Variants in CACNA1A observed in about 807,000 individuals in gnomAD.
The protein encoded by CACNA1A is calcium voltage-gated channel subunit alpha1 A.
In CACNA1A, 57 loss-of-function variants were observed where a neutral mutation model predicts 262.4. The ratio of observed to expected loss-of-function variants is 0.22; its 90% CI spans 0.18 to 0.27. The LOEUF (loss-of-function observed/expected upper bound fraction) is 0.27. CACNA1A is among the 10% of genes least tolerant of loss of function. The pLI is 1.00. For missense variants in CACNA1A, 2,526 were observed against 3,562.8 expected, an observed-to-expected ratio of 0.71 and a Z score of 7.41; for synonymous variants, 1,431 against 1,419.3, an observed-to-expected ratio of 1.01 and a Z score of -0.18.
chr19:13,281,315 C>A (rs2057284112), intron 22 of CACNA1A, among the ~76,000 whole-genome samples: 1 of 146,388 alleles, frequency 6.8e-6, no homozygotes, highest in South Asian at 2.2e-4. Flanking sequence ...GACGTTGAGG[C>A]TGCAGTGAGC....
chr19:13,221,238 T>TC (rs2055212975), intron 38 of CACNA1A, among the ~76,000 whole-genome samples: 1 of 35,842 alleles, frequency 2.8e-5, no homozygotes, highest in Non-Finnish European at 4.5e-5. Context: ...TTCTTTCTTT[T>TC]TTTTTTTTTT....
At chr19:13,251,796 GCT>G (rs1191525347) in intron 30 of CACNA1A, among the ~76,000 whole-genome samples, 3 of 151,956 alleles carry the variant, frequency 2.0e-5, no homozygotes, top group Non-Finnish European at 2.9e-5. Flanking sequence ...TTTGAGACTT[GCT>G]CTGTTGCTCA....
At chr19:13,363,333 TC>T (rs2059146448) in intron 5 of CACNA1A, 2 of 150,024 alleles carry the variant, frequency 1.3e-5, no homozygotes, top group South Asian at 2.1e-4. Context: ...TCTCTCTCTC[TC>T]TCTCGCATTT....
At chr19:13,319,655 A>C (rs1218302303) in intron 10 of CACNA1A, among the ~76,000 whole-genome samples, 1 of 152,206 alleles carries the variant, frequency 6.6e-6, no homozygotes, top group Non-Finnish European at 1.5e-5. Flanking sequence ...GTGAAAGCTG[A>C]AATTATTGGT....
At chr19:13,329,736 G>A (rs993211558) in intron 10 of CACNA1A, among the ~76,000 whole-genome samples, 2 of 150,036 alleles carry the variant, frequency 1.3e-5, no homozygotes, top group African/African-American at 2.5e-5. Context: ...GCTTCCCAAA[G>A]TGTTGGGATT....
At chr19:13,251,599 A>G (rs1255022783) in intron 30 of CACNA1A, among the ~76,000 whole-genome samples, 1 of 152,240 alleles carries the variant, frequency 6.6e-6, no homozygotes, top group Non-Finnish European at 1.5e-5. Context: ...AGGTATCTGC[A>G]GCTCTTATAA....
chr19:13,280,450 C>G (rs1167363721), intron 22 of CACNA1A, among the ~76,000 whole-genome samples: 2 of 151,574 alleles, frequency 1.3e-5, no homozygotes, highest in East Asian at 2.0e-4. Flanking sequence ...ACCTTGGCCT[C>G]TCGAAGTGCT....
At chr19:13,218,894 T>C (rs1401848531) in intron 38 of CACNA1A, among the ~76,000 whole-genome samples, 1 of 151,790 alleles carries the variant, frequency 6.6e-6, no homozygotes, top group Non-Finnish European at 1.5e-5. Flanking sequence ...TCTGGCACCA[T>C]GCCTAATTTT....
Position 13,207,872 on chromosome 19 carries a change from T to G in CACNA1A, c.6962A>C (p.Gln2321Pro), listed in dbSNP as rs1336072997. 8.4e-7 allele frequency: 1 copy of G among 1,184,342 alleles called. No homozygotes were observed. Among genetic ancestry groups the G allele is most frequent in the Admixed American group, 2.7e-5 (1 of 37,252 alleles). The allele number at this position is 1,184,342 out of a possible 1,614,324, so 73.4% of individuals were successfully genotyped here. ...PPQQQQQQQQ[Q>P]QQQQAVARPG... ...CCTGGCCACCGCCTGCTGCTGCTGCTGCTGCTGCTGCTGCTGCTGCTGCTG... is the reference window on the plus strand; with the variant it reads ...CCTGGCCACCGCCTGCTGCTGCTGCGGCTGCTGCTGCTGCTGCTGCTGCTG... Residue 2321 changes from glutamine to proline, a missense_variant, in exon 47 of 47, where the codon CAG becomes CCG. Transcript: ENST00000360228. This position sits in a 1 kb window ranked among gnomAD's most constrained non-coding sequence, Gnocchi z 5.7.
chr19:13,210,735 G>C, intron 43 of CACNA1A, 83 bp from the exon 44 acceptor site: 10 of 1,339,680 alleles, frequency 7.5e-6, no homozygotes, highest in African/African-American at 1.5e-5. Context: ...AGAGTGAGGA[G>C]GTGGTGCATG....
intron 4 of CACNA1A, chr19:13,370,693 G>A (rs2059307359): frequency 6.7e-6 from 1 of 150,246 alleles, no homozygotes; most frequent in Non-Finnish European, 1.5e-5. Context: ...CAAAGTGCTG[G>A]GATTCCAGGT....
Position 13,281,915 on chromosome 19 carries a change from G to A in CACNA1A, c.3822+1352C>T, listed in dbSNP as rs146922166. 1.9e-3 allele frequency among the ~76,000 whole-genome samples: 284 copies of A among 152,296 alleles called. 13 individuals carry two copies. The East Asian group carries it at 0.053, about 28-fold the overall frequency. ...AGCCCTGGGAGCTGCCGTGCCCCCT[G>A]GATCATCCATGCCTGTGCCCTCCCT... is the stretch of plus-strand genomic sequence containing the variant. On this transcript the variant is annotated intron_variant, in intron 22 of 46. Coordinates refer to ENST00000360228, the MANE Select transcript of CACNA1A (RefSeq NM_001127222.2).
chr19:13,413,167 C>G (rs951566488), intron 3 of CACNA1A, among the ~76,000 whole-genome samples: 1 of 150,656 alleles, frequency 6.6e-6, no homozygotes, highest in African/African-American at 2.4e-5. Context: ...AGTGCAGTGG[C>G]GTGATCTCAG....
chr19:13,208,160 G>A (rs2054638351), intron 46 of CACNA1A, 107 bp from the exon 47 acceptor site: 1 of 209,174 alleles, frequency 4.8e-6, no homozygotes, highest in Non-Finnish European at 7.7e-6. Context: ...GGGGCCGGGA[G>A]GAGAGGGAGG....
chr19:13,336,938 A>T (rs1232363778), intron 6 of CACNA1A, among the ~76,000 whole-genome samples: 1 of 152,232 alleles, frequency 6.6e-6, no homozygotes, highest in Non-Finnish European at 1.5e-5. Flanking sequence ...GTAGCCTTTG[A>T]ATAGTTGATC....
chr19:13,371,802 G>GAGAAC, intron 3 of CACNA1A, 23 bp from the exon 4 acceptor site: 1 of 1,529,380 alleles, frequency 6.5e-7, no homozygotes, highest in Non-Finnish European at 8.9e-7. Context: ...AGCCAGAATG[G>GAGAAC]AGAACAGAGG....
chr19:13,208,921 C>G lies in CACNA1A; in HGVS notation c.6615G>C (p.Arg2205=). The G allele has an allele frequency of 6.5e-7, 1 of 1,537,314 alleles. No individual in the cohort carries two copies. The highest frequency in any genetic ancestry group is 8.7e-7 in the Non-Finnish European group (1 of 1,146,878). The part of the protein sequence containing the change: ...RDQERGRPKD[R]KHRQHHHHHH... ...GGTGGTGGTGGTGCTGTCGATGCTT[C>G]CGATCCTTGGGCCGGCCCCGCTCCT... is the stretch of plus-strand genomic sequence containing the variant. The change falls in exon 46 of 47, where the codon CGG becomes CGC. Residue 2205 remains arginine (R), a synonymous_variant. Transcript: ENST00000360228.
In CACNA1A at chr19:13,210,725, AGAGT is replaced by A; in HGVS notation, c.6304-77_6304-74del. The A allele has an allele frequency of 7.5e-6, 11 of 1,462,314 alleles. No individual in the cohort carries two copies. The South Asian group carries it at 1.3e-4, about 18-fold the overall frequency. The allele number at this position is 1,462,314 out of a possible 1,614,324, so 90.6% of individuals were successfully genotyped here. A position where few individuals can be genotyped will look rare whatever the true frequency, so the allele number is the denominator to read the frequency against. On this transcript the variant is annotated intron_variant, in intron 43 of 46. Transcript: ENST00000360228. ...AAAATAAATATAAAAGGCAAGAGGG[AGAGT>A]GAGGAGGTGGTGCATGGAGAAGAAG...
In CACNA1A at chr19:13,207,244, C is replaced by T. The variant is rs1236563263; in HGVS notation, c.*69G>A. On this transcript the variant is annotated 3_prime_UTR_variant, in exon 47 of 47. Coordinates refer to ENST00000360228, the MANE Select transcript of CACNA1A (RefSeq NM_001127222.2). The surrounding 1 kb of genome is among the most constrained non-coding windows in gnomAD (Gnocchi z 5.7). ...CTGTGCTGGGCCCCCGCGGCCTCTG[C>T]GCGGCTCCTCGGGTGGGGTGTGTGC... The T allele has an allele frequency of 4.2e-6, 6 of 1,433,564 alleles. No homozygotes were observed. The Admixed American group carries it at 7.8e-5, about 19-fold the overall frequency. The allele number at this position is 1,433,564 out of a possible 1,614,324, so 88.8% of individuals were successfully genotyped here.
Sources: allele counts gnomAD v4.1 joint callset (sites outside exome capture counted in the v4.1 genomes callset), GRCh38; gene constraint gnomAD v4.1.1; non-coding constraint Gnocchi (gnomAD v3.1); transcripts MANE v1.5; gene names NCBI Gene and HGNC (gene_info 2026-07-23, HGNC 2026-07-21).